RIMBP2: variants seen among roughly 807,000 people sequenced by gnomAD.
The protein encoded by RIMBP2 is RIMS binding protein 2.
Under a neutral mutation model 118.6 loss-of-function variants are expected in RIMBP2, and 48 were observed. The ratio of observed to expected loss-of-function variants is 0.40; its 90% confidence interval spans 0.32 to 0.51. The LOEUF is 0.51. Ranked by LOEUF, RIMBP2 falls within the 20% of genes least tolerant of loss-of-function variation. RIMBP2 has a pLI of 0.41. For synonymous variants in RIMBP2, 762 were observed against 742.9 expected (o/e 1.03, Z -0.42); for missense variants, 1,551 against 1,768.3 (o/e 0.88, Z 2.20).
In RIMBP2 at chr12:130,442,086, G is replaced by C. The variant is rs377739887; in HGVS notation, c.1266C>G (p.Ile422Met). Residue 422 changes from isoleucine (I) to methionine (M), a missense_variant, in exon 11 of 23, where the codon ATC (isoleucine) becomes ATG (methionine). Ile to Met is a conservative substitution (Grantham distance 10, BLOSUM62 1). This residue lies in a region of RIMBP2 where 265 missense variants were observed against 349.5 expected (regional missense o/e 0.76). Transcript: ENST00000690449. This position sits in a 1 kb window ranked among gnomAD's most constrained non-coding sequence, Gnocchi z 6.9. ...SHLRVDNITQISAQLSWLPTN... is the reference protein window; with the variant it reads ...SHLRVDNITQMSAQLSWLPTN... ...TGGGTAGCCAGGAGAGCTGGGCGGAGATCTGCGTGATGTTGTCCACCCGCA... is the reference window on the plus strand; with the variant it reads ...TGGGTAGCCAGGAGAGCTGGGCGGACATCTGCGTGATGTTGTCCACCCGCA... 1.9e-6 allele frequency: 3 copies of C among 1,614,086 alleles called. No individual in the cohort carries two copies. The African/African-American group carries it at 4.0e-5, about 22-fold the overall frequency.
intron 19 of RIMBP2, among the ~76,000 whole-genome samples, chr12:130,409,993 G>A (rs1293901486): frequency 6.6e-6 from 1 of 152,230 alleles, no homozygotes; most frequent in African/African-American, 2.4e-5. Flanking sequence ...GAGCGGTGAT[G>A]CCATTTTCCA....
intron 2 of RIMBP2, 37 bp from the exon 3 acceptor site, chr12:130,517,954 C>T (rs2051650120): frequency 1.1e-6 from 1 of 876,584 alleles, no homozygotes; most frequent in African/African-American, 1.8e-5. Context: ...GATGGTGCCC[C>T]CATGTTTAGA....
intron 17 of RIMBP2, among the ~76,000 whole-genome samples, chr12:130,418,377 A>C (rs2076222627): frequency 6.6e-6 from 1 of 152,188 alleles, no homozygotes. Flanking sequence ...ATAGAATGTG[A>C]AGCGCTCCAT....
intron 4 of RIMBP2, among the ~76,000 whole-genome samples, chr12:130,495,617 C>T (rs139908599): frequency 6.6e-6 from 1 of 152,332 alleles, no homozygotes; most frequent in African/African-American, 2.4e-5. Context: ...TAACCTTGGA[C>T]TTGCTCCTCG....
intron 5 of RIMBP2, among the ~76,000 whole-genome samples, chr12:130,477,889 C>T (rs1227552686): frequency 6.6e-6 from 1 of 152,234 alleles, no homozygotes; most frequent in African/African-American, 2.4e-5. Flanking sequence ...GCCAGCTGCA[C>T]TCTGGCCACA....
intron 1 of RIMBP2, chr12:130,657,930 G>A (rs990053103): frequency 6.6e-6 from 1 of 152,272 alleles, no homozygotes; most frequent in African/African-American, 2.4e-5. Context: ...AGGCCTGGCT[G>A]AGAATATTTA....
chr12:130,545,806 G>A lies in RIMBP2; in HGVS notation c.-216-27889C>T, dbSNP rs375553591. On this transcript the variant is annotated intron_variant, in intron 2 of 22. Coordinates refer to ENST00000690449, the MANE Select transcript of RIMBP2 (RefSeq NM_001393629.1). ...ACTGCTGCCTCTACACCAGAAGCAC[G>A]TGAGAACGTGTGGGTCCCATTTTTC... Among the ~76,000 whole-genome samples the A allele has an allele frequency of 3.0e-4, 46 of 152,332 alleles. No individual in the cohort carries two copies. The East Asian group carries it at 7.9e-3, about 26-fold the overall frequency.
rs1377876618 is a variant in RIMBP2, at chr12:130,620,593, G to C, written c.-217+7729C>G. On this transcript the variant is annotated intron_variant, in intron 2 of 22. Coordinates refer to ENST00000690449, the MANE Select transcript of RIMBP2 (RefSeq NM_001393629.1). This position sits in a 1 kb window ranked among gnomAD's most constrained non-coding sequence, Gnocchi z 5.3. Reference sequence around the variant, plus strand: ...CGGCAGGGCTGCTCCTCAGGTCACAGGCAGGCTCTGCCCGTGCCTGTCCCC... The same window carrying C: ...CGGCAGGGCTGCTCCTCAGGTCACACGCAGGCTCTGCCCGTGCCTGTCCCC... Among the ~76,000 whole-genome samples, 1 of 152,158 alleles carries C rather than the reference G, an allele frequency of 6.6e-6. No homozygotes were observed. The highest frequency in any genetic ancestry group is 6.5e-5 in the Admixed American group (1 of 15,286).
chr12:130,649,852 C>T (rs1403193663), intron 1 of RIMBP2, among the ~76,000 whole-genome samples: 1 of 152,040 alleles, frequency 6.6e-6, no homozygotes, highest in African/African-American at 2.4e-5. Flanking sequence ...GTACTCTACT[C>T]AGTGACCCCA....
At chr12:130,409,700 C>G (rs2136427834) in intron 19 of RIMBP2, among the ~76,000 whole-genome samples, 1 of 152,224 alleles carries the variant, frequency 6.6e-6, no homozygotes, top group Non-Finnish European at 1.5e-5. Context: ...TGAGATTCAC[C>G]CCTGTCACTG....
intron 1 of RIMBP2, among the ~76,000 whole-genome samples, chr12:130,712,897 T>G (rs921293999): frequency 1.3e-5 from 2 of 152,000 alleles, no homozygotes; most frequent in Non-Finnish European, 2.9e-5. Flanking sequence ...GCCACCGCAG[T>G]ACGCATGGTC....
At chr12:130,572,531 A>AG (rs2057757812) in intron 2 of RIMBP2, among the ~76,000 whole-genome samples, 1 of 152,020 alleles carries the variant, frequency 6.6e-6, no homozygotes, top group African/African-American at 2.4e-5. Flanking sequence ...CCCTGTGTGC[A>AG]GGTTTTACTG....
intron 2 of RIMBP2, among the ~76,000 whole-genome samples, chr12:130,526,385 G>T (rs542571924): frequency 1.3e-5 from 2 of 152,288 alleles, no homozygotes; most frequent in South Asian, 4.1e-4. Context: ...AAAGCCAGAT[G>T]ACTTCTACAG....
intron 1 of RIMBP2, among the ~76,000 whole-genome samples, chr12:130,681,535 T>A (rs2064785270): frequency 1.2e-5 from 1 of 81,404 alleles, no homozygotes; most frequent in South Asian, 5.1e-4. Flanking sequence ...TTTTGTTGAT[T>A]TTTTTTAAAA....
In RIMBP2 at chr12:130,531,017, T is replaced by A. The variant is rs547019278; in HGVS notation, c.-216-13100A>T. On this transcript the variant is annotated intron_variant, in intron 2 of 22. Coordinates refer to ENST00000690449, the MANE Select transcript of RIMBP2 (RefSeq NM_001393629.1). The stretch of plus-strand genomic sequence containing the variant: ...ACTGATCACTTTGATTGATGACCGA[T>A]TGAATTTGCCTTATGTACAGGGTGA... 8.5e-5 allele frequency among the ~76,000 whole-genome samples: 13 copies of A among 152,348 alleles called. No individual in the cohort carries two copies. The South Asian group carries it at 2.7e-3, about 32-fold the overall frequency.
chr12:130,455,480 G>A (rs539392201), intron 7 of RIMBP2, among the ~76,000 whole-genome samples: 16 of 152,338 alleles, frequency 1.1e-4, no homozygotes, highest in East Asian at 3.9e-4. Context: ...GCGGCAGAGC[G>A]CTCGGACCCT....
chr12:130,477,511 C>T (rs1326625665), intron 5 of RIMBP2, among the ~76,000 whole-genome samples: 2 of 152,210 alleles, frequency 1.3e-5, no homozygotes, highest in Non-Finnish European at 2.9e-5. Context: ...AGCAATATCC[C>T]TTGCGGATAA....
intron 22 of RIMBP2, chr12:130,398,650 G>A (rs1515384): frequency 0.078 from 11,871 of 152,588 alleles, 670 homozygotes; most frequent in South Asian, 0.18. Flanking sequence ...CTGGCCACTC[G>A]AGCCAGTGTT....
intron 2 of RIMBP2, among the ~76,000 whole-genome samples, chr12:130,564,924 T>C (rs896730973): frequency 2.6e-5 from 4 of 152,172 alleles, no homozygotes; most frequent in Non-Finnish European, 4.4e-5. Flanking sequence ...AAGAAAACTT[T>C]TGGAGGTGAA....
Sources: gnomAD v4.1 joint callset for allele counts (sites outside exome capture counted in the v4.1 genomes callset) on GRCh38, gnomAD v4.1.1 for gene constraint, gnomAD v4.1.1 regional missense constraint, Gnocchi (gnomAD v3.1) non-coding constraint, MANE v1.5 for transcripts, NCBI Gene and HGNC (gene_info 2026-07-23, HGNC 2026-07-21) for gene names.